AFF2: variants seen among roughly 807,000 people sequenced by gnomAD.
AFF2 encodes ALF transcription elongation factor 2.
Under a neutral mutation model 76.9 loss-of-function variants are expected in AFF2, and 14 were observed. That is an observed-to-expected ratio of 0.18 (90% CI 0.12 to 0.28). AFF2 has a LOEUF of 0.28. Among genes scored for constraint, AFF2 ranks in the 10% least tolerant of loss-of-function variants. AFF2 has a pLI of 1.00. For missense variants in AFF2, 868 were observed against 1,001.1 expected (o/e 0.87, Z 1.79); for synonymous variants, 398 against 366.7 (o/e 1.09, Z -0.98).
At chrX:148,656,877 A>C (rs1397769730) in intron 2 of AFF2, among the ~76,000 whole-genome samples, 1 of 111,466 alleles carries the variant, frequency 9.0e-6, no homozygotes, top group Non-Finnish European at 1.9e-5. Flanking sequence ...TAGACCTTGC[A>C]TCCAGTTCTG....
chrX:148,538,878 A>T (rs1557237008), intron 1 of AFF2, among the ~76,000 whole-genome samples: 1 of 111,493 alleles, frequency 9.0e-6, no homozygotes, highest in African/African-American at 3.3e-5. Flanking sequence ...TGACTTTTAT[A>T]CTACACTGTT....
At chrX:148,755,999 G>A (rs904703673) in intron 3 of AFF2, among the ~76,000 whole-genome samples, 1 of 111,982 alleles carries the variant, frequency 8.9e-6, no homozygotes, top group Non-Finnish European at 1.9e-5. Context: ...AAAAGAGGCT[G>A]GGCCCACATC....
chrX:148,832,154 A>G (rs782674326), intron 4 of AFF2, among the ~76,000 whole-genome samples: 2 of 111,973 alleles, frequency 1.8e-5, no homozygotes, highest in South Asian at 7.5e-4. Context: ...AAAAAATAAA[A>G]GAAGAAAGGA....
intron 3 of AFF2, among the ~76,000 whole-genome samples, chrX:148,740,037 G>T (rs182944102): frequency 1.1e-4 from 12 of 111,874 alleles, no homozygotes; most frequent in Middle Eastern, 4.6e-3. Flanking sequence ...TGATAGATTT[G>T]CCTTCATAGG....
chrX:148,812,582 A>C (rs1456656288), intron 4 of AFF2, among the ~76,000 whole-genome samples: 1 of 111,154 alleles, frequency 9.0e-6, no homozygotes, highest in East Asian at 2.8e-4. Flanking sequence ...CACCATGAAA[A>C]TCTGAGTCCA....
chrX:148,735,595 C>T (rs372669835), intron 3 of AFF2, among the ~76,000 whole-genome samples: 13 of 111,584 alleles, frequency 1.2e-4, no homozygotes, highest in Middle Eastern at 4.6e-3. Context: ...GTTTCTGTTT[C>T]TTTTGAGTAC....
chrX:148,951,436 A>C (rs2071967325), intron 9 of AFF2, among the ~76,000 whole-genome samples: 1 of 111,860 alleles, frequency 8.9e-6, no homozygotes, highest in South Asian at 3.7e-4. Flanking sequence ...TAATAGCAGG[A>C]TGACCAGCTT....
intron 19 of AFF2, among the ~76,000 whole-genome samples, chrX:148,983,958 A>AAAAAAAAAAAAAAAC (rs2072429167): frequency 1.0e-5 from 1 of 99,326 alleles, no homozygotes. Flanking sequence ...ATAGACAAAA[A>AAAAAAAAAAAAAAAC]AAAAAAAAAA....
chrX:148,507,813 A>G (rs2052437174), intron 1 of AFF2, among the ~76,000 whole-genome samples: 1 of 111,996 alleles, frequency 8.9e-6, no homozygotes, highest in African/African-American at 3.2e-5. Context: ...CTACCTACTT[A>G]CTGAGCTGAA....
intron 3 of AFF2, among the ~76,000 whole-genome samples, chrX:148,715,694 T>G (rs2055018174): frequency 8.9e-6 from 1 of 112,282 alleles, no homozygotes; most frequent in Non-Finnish European, 1.9e-5. Flanking sequence ...CTCAACAGCA[T>G]AGGTATGAAT....
At position 148,967,067 on chromosome X, in the gene AFF2, C is replaced by T. The variant is rs2072188005; in HGVS notation, c.3191C>T (p.Thr1064Ile). The T allele has an allele frequency of 2.5e-6, 3 of 1,210,097 alleles. No homozygotes were observed. Among genetic ancestry groups the T allele is most frequent in the Non-Finnish European group, 3.4e-6 (3 of 895,123 alleles). Reference sequence around the variant, plus strand: ...ACTAATGTCCGGAGACCCAAGCTCACTTTTGATGACTCGTATGTTGTTCCA... The same window carrying T: ...ACTAATGTCCGGAGACCCAAGCTCATTTTTGATGACTCGTATGTTGTTCCA... ...SSTNVRRPKL[T>I]FDDSVHNADY... The change falls in exon 14 of 21, where the codon ACT becomes ATT. Residue 1064 changes from threonine to isoleucine, a missense_variant. Physicochemically the swap from Thr to Ile is moderately conservative, Grantham distance 89. This residue lies in a region of AFF2 where 57 missense variants were observed against 117.8 expected (regional missense o/e 0.48). Transcript: ENST00000370460.
intron 1 of AFF2, among the ~76,000 whole-genome samples, chrX:148,600,432 C>A (rs1431609947): frequency 4.5e-5 from 5 of 111,731 alleles, no homozygotes; most frequent in Non-Finnish European, 9.4e-5. Flanking sequence ...AAGAAAATCT[C>A]ATTCTCTACA....
Position 148,977,802 on chromosome X carries a change from A to G in AFF2, c.3405-131A>G, listed in dbSNP as rs782548846. 3.7e-4 allele frequency: 184 copies of G among 501,320 alleles called. 1 individual carries two copies. The South Asian group carries it at 5.7e-3, about 15-fold the overall frequency. The allele number at this position is 501,320 out of a possible 1,213,427, so 41.3% of individuals were successfully genotyped here. A position where few individuals can be genotyped will look rare whatever the true frequency, so the allele number is the denominator to read the frequency against. ...TTCGGGGAAGCATGCTTTTGCCCAC[A>G]TGTACCAGTCAGTCCTCTTGCCCAG... On this transcript the variant is annotated intron_variant, in intron 16 of 20. Coordinates refer to ENST00000370460, the MANE Select transcript of AFF2 (RefSeq NM_002025.4).
At chrX:148,700,383 G>A (rs1557261698) in intron 3 of AFF2, among the ~76,000 whole-genome samples, 1 of 107,460 alleles carries the variant, frequency 9.3e-6, no homozygotes, top group African/African-American at 3.4e-5. Flanking sequence ...GAGTATTTGA[G>A]CCCCATATTG....
chrX:148,834,363 A>G (rs782643498), intron 4 of AFF2, among the ~76,000 whole-genome samples: 2 of 110,824 alleles, frequency 1.8e-5, no homozygotes, highest in South Asian at 3.9e-4. Context: ...AAGTGACCTC[A>G]CCTCTTGGAA....
chrX:148,722,329 G>A (rs2055103507), intron 3 of AFF2, among the ~76,000 whole-genome samples: 1 of 111,491 alleles, frequency 9.0e-6, no homozygotes, highest in South Asian at 3.8e-4. Context: ...TTGCTGAGAA[G>A]ACAGGCTAAG....
chrX:148,726,374 G>A (rs1474805589), intron 3 of AFF2, among the ~76,000 whole-genome samples: 1 of 111,868 alleles, frequency 8.9e-6, no homozygotes, highest in Non-Finnish European at 1.9e-5. Flanking sequence ...GGCCCCAGGT[G>A]GGCAAAACAG....
At chrX:148,519,466 C>T (rs782193083) in intron 1 of AFF2, among the ~76,000 whole-genome samples, 3 of 111,960 alleles carry the variant, frequency 2.7e-5, no homozygotes, top group South Asian at 7.4e-4. Context: ...CTCCCACTCA[C>T]GTAGACATGA....
In AFF2 at chrX:149,000,260, C is replaced by T. The variant is rs1435466227; in HGVS notation, c.*8928C>T. ...TTCATGCTCATTGCAGATCCACCAA[C>T]TGTCACTGTTCTTAACAAGCATGCT... On this transcript the variant is annotated 3_prime_UTR_variant, in exon 21 of 21. Transcript: ENST00000370460. The T allele has an allele frequency of 8.9e-6, 1 of 112,764 alleles. No homozygotes were observed. Among genetic ancestry groups the T allele is most frequent in the Non-Finnish European group, 1.9e-5 (1 of 53,390 alleles). 9.3% of individuals were successfully genotyped at this position (112,764 alleles called of 1,213,427 possible). A position where few individuals can be genotyped will look rare whatever the true frequency, so the allele number is the denominator to read the frequency against.
Sources: gnomAD v4.1 joint callset for allele counts (sites outside exome capture counted in the v4.1 genomes callset) on GRCh38, gnomAD v4.1.1 for gene constraint, gnomAD v4.1.1 regional missense constraint, MANE v1.5 for transcripts, NCBI Gene and HGNC (gene_info 2026-07-23, HGNC 2026-07-21) for gene names.